Variants in LANCL1 observed in about 807,000 individuals in gnomAD.
LANCL1 encodes the protein LanC like glutathione S-transferase 1, also known as glutathione S-transferase LANCL1.
LANCL1 carries 50 observed loss-of-function variants against 50.6 expected under a neutral mutation model. The ratio of observed to expected loss-of-function variants is 0.99; its 90% CI spans 0.79 to 1.25. LANCL1 has a LOEUF of 1.25. LANCL1 is among the 50% of genes most tolerant of loss of function. The pLI, the probability that LANCL1 is intolerant of heterozygous loss-of-function variation, is 0.00. For missense variants in LANCL1, 532 were observed against 480.7 expected, an observed-to-expected ratio of 1.11 and a Z score of -1.00; for synonymous variants, 188 against 178.6, an observed-to-expected ratio of 1.05 and a Z score of -0.42.
intron 4 of LANCL1, among the ~76,000 whole-genome samples, chr2:210,449,031 T>A (rs1052418941): frequency 6.6e-6 from 1 of 151,994 alleles, no homozygotes; most frequent in African/African-American, 2.4e-5. Context: ...TACCAAAACC[T>A]GGCAGAGACA....
intron 6 of LANCL1, among the ~76,000 whole-genome samples, chr2:210,438,696 C>A (rs1403404607): frequency 6.6e-6 from 1 of 152,162 alleles, no homozygotes; most frequent in Non-Finnish European, 1.5e-5. Context: ...TTCCAAACTA[C>A]AGCATGCCTC....
intron 3 of LANCL1, among the ~76,000 whole-genome samples, chr2:210,465,726 TA>T (rs1242265649): frequency 2.0e-5 from 3 of 152,070 alleles, no homozygotes; most frequent in African/African-American, 7.2e-5. Context: ...AAGTTTGGCT[TA>T]AAAAAATGTC....
At chr2:210,458,659 C>T (rs912903195) in intron 3 of LANCL1, among the ~76,000 whole-genome samples, 26 of 152,102 alleles carry the variant, frequency 1.7e-4, no homozygotes, top group African/African-American at 6.3e-4. Flanking sequence ...GTCAAAATGC[C>T]TCCCGATGAC....
intron 9 of LANCL1, among the ~76,000 whole-genome samples, chr2:210,434,997 G>A (rs916896945): frequency 6.6e-5 from 10 of 152,116 alleles, no homozygotes; most frequent in Admixed American, 3.3e-4. Flanking sequence ...CTTATATCCC[G>A]GTGGAAGACT....
At chr2:210,451,055 A>G (rs1321369486) in intron 4 of LANCL1, among the ~76,000 whole-genome samples, 2 of 152,358 alleles carry the variant, frequency 1.3e-5, no homozygotes, top group East Asian at 3.9e-4. Flanking sequence ...CACTGTTCAC[A>G]ATAGCAAAGA....
At position 210,434,519 on chromosome 2, in the gene LANCL1, T is replaced by A. The variant is rs771558060; in HGVS notation, c.1168A>T (p.Thr390Ser). The change falls in exon 10 of 10, where the codon ACA (threonine) becomes TCA (serine). Residue 390 changes from threonine to serine, a missense_variant. Physicochemically the swap from Thr to Ser is moderately conservative, Grantham distance 58. Coordinates refer to ENST00000450366, the MANE Select transcript of LANCL1 (RefSeq NM_006055.3). ...IYFLADLLVP[T>S]KARFPAFEL ...TCAAATGCAGGGAACCTGGCTTTTGTGGGGACTAGCAGGTCAGCCAGGAAA... is the reference window on the plus strand; with the variant it reads ...TCAAATGCAGGGAACCTGGCTTTTGAGGGGACTAGCAGGTCAGCCAGGAAA... 1.4e-5 allele frequency: 22 copies of A among 1,613,396 alleles called. No individual in the cohort carries two copies. The South Asian group carries it at 2.0e-4, about 15-fold the overall frequency.
At chr2:210,477,219 GAT>G (rs1694415514), upstream of LANCL1, among the ~76,000 whole-genome samples, 1 of 152,074 alleles carries the variant, frequency 6.6e-6, no homozygotes, top group African/African-American at 2.4e-5. Flanking sequence ...CAAAGGACAG[GAT>G]ATCAAATAGC....
intron 4 of LANCL1, among the ~76,000 whole-genome samples, chr2:210,451,262 T>A (rs2105903930): frequency 6.6e-6 from 1 of 150,576 alleles, no homozygotes. Context: ...ACTCACTCAT[T>A]AAGTGAACAA....
chr2:210,450,701 T>C (rs1693487307), intron 4 of LANCL1, among the ~76,000 whole-genome samples: 1 of 152,198 alleles, frequency 6.6e-6, no homozygotes, highest in African/African-American at 2.4e-5. Context: ...AAAGAAGACA[T>C]TTATGTGGCC....
At chr2:210,459,374 CA>C (rs1387430927) in intron 3 of LANCL1, among the ~76,000 whole-genome samples, 1 of 152,046 alleles carries the variant, frequency 6.6e-6, no homozygotes. Flanking sequence ...TCTACACATC[CA>C]GATGTATAGT....
intron 7 of LANCL1, among the ~76,000 whole-genome samples, chr2:210,437,373 C>T (rs1405683981): frequency 2.0e-5 from 3 of 152,098 alleles, no homozygotes; most frequent in Non-Finnish European, 4.4e-5. Context: ...TCACCTGTGG[C>T]AATTATAAAT....
At chr2:210,453,329 T>C (rs982881902) in intron 4 of LANCL1, among the ~76,000 whole-genome samples, 3 of 152,176 alleles carry the variant, frequency 2.0e-5, no homozygotes, top group South Asian at 2.1e-4. Context: ...TGTGTTAGAA[T>C]AGGCCCTCAA....
intron 3 of LANCL1, chr2:210,468,318 C>CA (rs1321750649): frequency 6.6e-6 from 1 of 151,956 alleles, no homozygotes; most frequent in East Asian, 1.9e-4. Flanking sequence ...TTTATCCCCC[C>CA]AAAAATCCCC....
At chr2:210,467,931 A>G (rs1161572671) in intron 3 of LANCL1, among the ~76,000 whole-genome samples, 1 of 152,216 alleles carries the variant, frequency 6.6e-6, no homozygotes, top group East Asian at 1.9e-4. Flanking sequence ...GTTTAGTATG[A>G]ATTGATGCAT....
At chr2:210,449,077 GA>G (rs1256725079) in intron 4 of LANCL1, among the ~76,000 whole-genome samples, 2 of 152,136 alleles carry the variant, frequency 1.3e-5, no homozygotes, top group Non-Finnish European at 2.9e-5. Flanking sequence ...CAATATCCCT[GA>G]AAAACATCAA....
chr2:210,446,842 T>C (rs1487355018), intron 4 of LANCL1, among the ~76,000 whole-genome samples: 2 of 151,858 alleles, frequency 1.3e-5, no homozygotes, highest in Non-Finnish European at 2.9e-5. Flanking sequence ...CTCCAAGAAA[T>C]AACGGACTAT....
At position 210,476,321 on chromosome 2, in the gene LANCL1, C is replaced by T. The variant is rs766259630; in HGVS notation, c.76G>A (p.Gly26Arg). Residue 26 changes from glycine to arginine, a missense_variant, in exon 2 of 10, where the codon GGG becomes AGG. Gly to Arg is a moderately radical substitution (Grantham distance 125, BLOSUM62 -2). Coordinates refer to ENST00000450366, the MANE Select transcript of LANCL1 (RefSeq NM_006055.3). ...SLAEGYFDAA[G>R]RLTPEFSQRL... is the part of the protein sequence containing the mutation. ...CAGACATATCCTAAACTCACCCTCC[C>T]GGCAGCATCAAAGTAGCCTTCGGCC... is the stretch of plus-strand genomic sequence containing the variant. The T allele has an allele frequency of 1.2e-6, 2 of 1,612,646 alleles. No homozygotes were observed. Among genetic ancestry groups the T allele is most frequent in the African/African-American group, 2.7e-5 (2 of 74,866 alleles).
intron 3 of LANCL1, among the ~76,000 whole-genome samples, chr2:210,455,796 TTG>T (rs1192606793): frequency 1.3e-5 from 2 of 150,946 alleles, no homozygotes; most frequent in African/African-American, 2.4e-5. Context: ...AAAGTTTGTT[TTG>T]TGTGTGTGTG....
At chr2:210,434,956 A>G (rs1574409459) in intron 9 of LANCL1, among the ~76,000 whole-genome samples, 1 of 152,312 alleles carries the variant, frequency 6.6e-6, no homozygotes, top group East Asian at 1.9e-4. Context: ...GCAGTTCAAC[A>G]TTAGAAGAGA....
Sources: allele counts gnomAD v4.1 joint callset (sites outside exome capture counted in the v4.1 genomes callset), GRCh38; gene constraint gnomAD v4.1.1; transcripts MANE v1.5; gene names NCBI Gene and HGNC (gene_info 2026-07-23, HGNC 2026-07-21).